Variants in TRNT1 observed in about 807,000 individuals in gnomAD.
TRNT1 encodes the protein tRNA nucleotidyl transferase 1, also known as CCA tRNA nucleotidyltransferase 1, mitochondrial.
In TRNT1, 44 loss-of-function variants were observed where a neutral mutation model predicts 45.6. The ratio of observed to expected loss-of-function variants is 0.97; its 90% CI spans 0.76 to 1.24. The LOEUF (loss-of-function observed/expected upper bound fraction) is 1.24. Ranked by LOEUF, TRNT1 falls within the 50% of genes most tolerant of loss-of-function variation. The pLI, the probability that TRNT1 is intolerant of heterozygous loss-of-function variation, is 0.00. For synonymous variants in TRNT1, 201 were observed against 171.4 expected, an observed-to-expected ratio of 1.17 and a Z score of -1.35; for missense variants, 633 against 504.4, an observed-to-expected ratio of 1.25 and a Z score of -2.44.
At chr3:3,133,774 T>C (rs1192267719) in intron 2 of TRNT1, among the ~76,000 whole-genome samples, 1 of 152,118 alleles carries the variant, frequency 6.6e-6, no homozygotes, top group Non-Finnish European at 1.5e-5. Context: ...GATCACTCTC[T>C]TGAAGTCCGG....
rs369419879 is a variant in TRNT1 at position 3,130,272 on chromosome 3, A to G, written c.148+1084A>G. The G allele has an allele frequency of 6.3e-5, 19 of 300,748 alleles. No individual in the cohort carries two copies. In the East Asian group the frequency reaches 1.2e-3, roughly 20 times the overall value. 18.6% of individuals were successfully genotyped at this position (300,748 alleles called of 1,614,324 possible). A position where few individuals can be genotyped will look rare whatever the true frequency, so the allele number is the denominator to read the frequency against. ...GGTTCTACCTGCAGCCTACTGAATTAGAATCTCTGGGTGGGATGACCATCT... is the reference window on the plus strand; with the variant it reads ...GGTTCTACCTGCAGCCTACTGAATTGGAATCTCTGGGTGGGATGACCATCT... On this transcript the variant is annotated intron_variant, in intron 2 of 7. Coordinates refer to ENST00000251607, the MANE Select transcript of TRNT1 (RefSeq NM_182916.3).
chr3:3,133,037 G>C (rs998285881), intron 2 of TRNT1, among the ~76,000 whole-genome samples: 9 of 152,272 alleles, frequency 5.9e-5, no homozygotes, highest in African/African-American at 2.2e-4. Flanking sequence ...AAAACACACA[G>C]CCTTTCTGAT....
chr3:3,133,481 T>G (rs961870697), intron 2 of TRNT1, among the ~76,000 whole-genome samples: 3 of 151,888 alleles, frequency 2.0e-5, no homozygotes, highest in Non-Finnish European at 4.4e-5. Flanking sequence ...TTCCTTGAAC[T>G]TGGGGTCAGG....
At chr3:3,141,512 A>G (rs1004876938) in intron 4 of TRNT1, among the ~76,000 whole-genome samples, 2 of 152,196 alleles carry the variant, frequency 1.3e-5, no homozygotes, top group African/African-American at 2.4e-5. Context: ...TCTAGGAATC[A>G]TCAATAATCA....
intron 3 of TRNT1, among the ~76,000 whole-genome samples, chr3:3,138,535 T>A (rs187350036): frequency 7.2e-5 from 11 of 152,334 alleles, no homozygotes; most frequent in Admixed American, 5.9e-4. Flanking sequence ...CTTTCATAAT[T>A]TCATCCCTTT....
chr3:3,149,099 C>T (rs1292180647), downstream of TRNT1: 1 of 152,028 alleles, frequency 6.6e-6, no homozygotes, highest in African/African-American at 2.4e-5. Context: ...TGTAGCCAGT[C>T]ATAACATCTT....
downstream of TRNT1, among the ~76,000 whole-genome samples, chr3:3,151,915 C>T (rs150582965): frequency 4.6e-5 from 7 of 152,272 alleles, no homozygotes; most frequent in East Asian, 1.3e-3. Context: ...AAACATTCTC[C>T]GGTTTTACAT....
At chr3:3,132,957 A>G (rs773293414) in intron 2 of TRNT1, among the ~76,000 whole-genome samples, 2 of 152,162 alleles carry the variant, frequency 1.3e-5, no homozygotes, top group South Asian at 2.1e-4. Flanking sequence ...GCAATGATCA[A>G]CAAGTTAGAA....
intron 2 of TRNT1, among the ~76,000 whole-genome samples, chr3:3,133,396 T>A (rs1186038804): frequency 2.6e-5 from 4 of 151,832 alleles, no homozygotes; most frequent in Non-Finnish European, 5.9e-5. Flanking sequence ...TGTACAAAAA[T>A]AATAATAATA....
At chr3:3,132,750 A>AC (rs1705095490) in intron 2 of TRNT1, among the ~76,000 whole-genome samples, 1 of 150,574 alleles carries the variant, frequency 6.6e-6, no homozygotes, top group Non-Finnish European at 1.5e-5. Context: ...AAAAACACAA[A>AC]AAAAAAACAC....
intron 4 of TRNT1, among the ~76,000 whole-genome samples, chr3:3,143,992 T>C (rs1685915047): frequency 6.6e-6 from 1 of 152,264 alleles, no homozygotes; most frequent in Non-Finnish European, 1.5e-5. Flanking sequence ...TTATGGAAAT[T>C]AGCCATTTTT....
chr3:3,147,598 A>T lies in TRNT1; in HGVS notation c.951A>T (p.Lys317Asn). The T allele has an allele frequency of 6.2e-7, 1 of 1,614,002 alleles. No homozygotes were observed. The highest frequency in any genetic ancestry group is 8.5e-7 in the Non-Finnish European group (1 of 1,179,900). Reference protein sequence around the residue: ...TKLDLRLKIAKEEKNLGLFIV... With the variant: ...TKLDLRLKIANEEKNLGLFIV... ...TGGATTTGAGGTTGAAGATCGCAAA[A>T]GAGGAGAAAAACCTTGGCTTATTTA... Residue 317 changes from lysine to asparagine, a missense_variant, in exon 7 of 8, where the codon AAA (lysine) becomes AAT (asparagine). Coordinates refer to ENST00000251607, the MANE Select transcript of TRNT1 (RefSeq NM_182916.3).
intron 4 of TRNT1, among the ~76,000 whole-genome samples, chr3:3,142,233 A>C (rs1328319717): frequency 6.6e-6 from 1 of 152,222 alleles, no homozygotes; most frequent in East Asian, 1.9e-4. Context: ...ACTCTTTTTC[A>C]GTGTCCTAGT....
intron 4 of TRNT1, among the ~76,000 whole-genome samples, chr3:3,141,355 C>T (rs780068702): frequency 6.6e-6 from 1 of 152,018 alleles, no homozygotes; most frequent in Non-Finnish European, 1.5e-5. Context: ...ACACACACAC[C>T]CAGGATCATT....
At chr3:3,134,024 A>G (rs1007455849) in intron 2 of TRNT1, among the ~76,000 whole-genome samples, 1 of 152,208 alleles carries the variant, frequency 6.6e-6, no homozygotes, top group African/African-American at 2.4e-5. Flanking sequence ...ATAATTAACA[A>G]TTGCTTACTA....
In TRNT1 at chr3:3,148,304, T is replaced by C; in HGVS notation, c.*150T>C. On this transcript the variant is annotated 3_prime_UTR_variant, in exon 8 of 8. Coordinates refer to ENST00000251607, the MANE Select transcript of TRNT1 (RefSeq NM_182916.3). ...AGGGTCTTATTTTGTGAATTATATA[T>C]TTCAAGAACTAAACAGAGATCCACC... 1.3e-6 allele frequency: 1 copy of C among 750,662 alleles called. No individual in the cohort carries two copies. The highest frequency in any genetic ancestry group is 3.0e-5 in the Admixed American group (1 of 32,806). 46.5% of individuals were successfully genotyped at this position (750,662 alleles called of 1,614,324 possible).
Position 3,137,330 on chromosome 3 carries a change from A to AT in TRNT1, c.219_220insT (p.Lys74Ter), listed in dbSNP as rs1218051751. The stretch of plus-strand genomic sequence containing the variant: ...CAGTGAGGGATTTATTAAATGGAGT[A>AT]AAGCCTCAGGATATAGATTTTGCCA... On this transcript the variant is annotated frameshift_variant, in exon 3 of 8. Coordinates refer to ENST00000251607, the MANE Select transcript of TRNT1 (RefSeq NM_182916.3). LOFTEE classifies it high-confidence loss of function. 6.2e-7 allele frequency: 1 copy of AT among 1,613,738 alleles called. No homozygotes were observed. The highest frequency in any genetic ancestry group is 1.7e-5 in the Admixed American group (1 of 59,970).
rs771121037 is a variant in TRNT1 at position 3,137,463 on chromosome 3, A to G, written c.342+10A>G. 1 of 1,589,152 alleles carries G rather than the reference A, an allele frequency of 6.3e-7. No homozygotes were observed. Among genetic ancestry groups the G allele is most frequent in the Non-Finnish European group, 8.5e-7 (1 of 1,169,946 alleles). ...AACAATTACTGCCAGGGTGAGTCAA[A>G]AGTTTGACAGGTAATTACATTGCTT... On this transcript the variant is annotated intron_variant, in intron 3 of 7. Transcript: ENST00000251607.
Position 3,147,719 on chromosome 3 carries a change from G to C in TRNT1, c.1056+16G>C. 6.3e-7 allele frequency: 1 copy of C among 1,584,440 alleles called. No homozygotes were observed. Among genetic ancestry groups the C allele is most frequent in the East Asian group, 2.2e-5 (1 of 44,562 alleles). On this transcript the variant is annotated intron_variant, in intron 7 of 7. Coordinates refer to ENST00000251607, the MANE Select transcript of TRNT1 (RefSeq NM_182916.3). ...CATTATAGATGTAAGTATATACTAGGCTTGGTCAGAAATATGAAGTATCGT... is the reference window on the plus strand; with the variant it reads ...CATTATAGATGTAAGTATATACTAGCCTTGGTCAGAAATATGAAGTATCGT...
Sources: allele counts gnomAD v4.1 joint callset (sites outside exome capture counted in the v4.1 genomes callset), GRCh38; gene constraint gnomAD v4.1.1; transcripts MANE v1.5; gene names NCBI Gene and HGNC (gene_info 2026-07-23, HGNC 2026-07-21).